Variants in NDC1 observed in about 807,000 individuals in gnomAD.
NDC1 encodes the protein nucleoporin NDC1.
NDC1 carries 24 observed loss-of-function variants against 89.8 expected under a neutral mutation model. That is an observed-to-expected ratio of 0.27 (90% confidence interval 0.19 to 0.38). The LOEUF is 0.38. Ranked by LOEUF, NDC1 falls within the 10% of genes least tolerant of loss-of-function variation. The pLI is 1.00. For synonymous variants in NDC1, 296 were observed against 284.8 expected (o/e 1.04, Z -0.39); for missense variants, 728 against 797.6 (o/e 0.91, Z 1.05).
chr1:53,772,348 T>C lies in NDC1; in HGVS notation c.1942A>G (p.Thr648Ala). ...ACTTACTTCAGATGTTCACCAAATG[T>C]AGTAGTTATTCGATAGATGGCAGTT... ...LKTAIYRITT[T>A]FGEHLNAVQA... Residue 648 changes from threonine (T) to alanine (A), a missense_variant, in exon 17 of 18, where the codon ACA (threonine) becomes GCA (alanine). Thr to Ala is a moderately conservative substitution (Grantham distance 58, BLOSUM62 0). Coordinates refer to ENST00000371429, the MANE Select transcript of NDC1 (RefSeq NM_018087.5). 1 of 1,613,682 alleles carries C rather than the reference T, an allele frequency of 6.2e-7. No individual in the cohort carries two copies. Among genetic ancestry groups the C allele is most frequent in the Non-Finnish European group, 8.5e-7 (1 of 1,179,722 alleles).
At position 53,835,560 on chromosome 1, in the gene NDC1, T is replaced by C. The variant is rs765031899; in HGVS notation, c.118A>G (p.Thr40Ala). The C allele has an allele frequency of 3.7e-6, 6 of 1,612,984 alleles. No homozygotes were observed. In the South Asian group the frequency reaches 5.5e-5, roughly 15 times the overall value. Residue 40 changes from threonine to alanine, a missense_variant, in exon 2 of 18, where the codon ACC becomes GCC. By Grantham distance (58) the Thr-to-Ala change is moderately conservative. Transcript: ENST00000371429. ...VWSVLFLPIC[T>A]TVFIIFSRID... The stretch of plus-strand genomic sequence containing the variant: ...CTGCTGAAAATTATAAATACTGTGG[T>C]GCAGATGGGTAGAAATAGCACTGAC...
intron 11 of NDC1, among the ~76,000 whole-genome samples, chr1:53,799,912 T>G (rs899428789): frequency 2.6e-5 from 4 of 152,230 alleles, no homozygotes; most frequent in Non-Finnish European, 4.4e-5. Context: ...GTCTTTTAAA[T>G]GGAAGGGGTA....
At chr1:53,836,662 A>AT (rs973564739) in intron 1 of NDC1, among the ~76,000 whole-genome samples, 7 of 150,352 alleles carry the variant, frequency 4.7e-5, no homozygotes, top group Non-Finnish European at 1.0e-4. Context: ...CACCTGACTA[A>AT]TTTTTTTTTC....
chr1:53,785,976 G>A (rs868293606), intron 16 of NDC1, among the ~76,000 whole-genome samples: 2 of 151,974 alleles, frequency 1.3e-5, no homozygotes, highest in Admixed American at 6.6e-5. Flanking sequence ...CCAGGCTGGA[G>A]TGCAGTGGCA....
Position 53,825,851 on chromosome 1 carries a change from T to G in NDC1, c.541A>C (p.Ser181Arg). The G allele has an allele frequency of 6.2e-7, 1 of 1,610,438 alleles. No individual in the cohort carries two copies. The highest frequency in any genetic ancestry group is 8.5e-7 in the Non-Finnish European group (1 of 1,178,806). The change falls in exon 5 of 18, where the codon AGC (serine) becomes CGC (arginine). Residue 181 changes from serine (S) to arginine (R), a missense_variant. Coordinates refer to ENST00000371429, the MANE Select transcript of NDC1 (RefSeq NM_018087.5). ...LTGAFMGYSY[S>R]LLYFVNNMNY... is the part of the protein sequence containing the mutation. ...ATGTTGTTAACAAAATACAGGAGGC[T>G]ATAGCTATAGCCCATAAATGCTCCA...
At chr1:53,824,305 T>C (rs1383011764) in intron 5 of NDC1, among the ~76,000 whole-genome samples, 1 of 151,832 alleles carries the variant, frequency 6.6e-6, no homozygotes, top group Non-Finnish European at 1.5e-5. Context: ...TCTAGCCATG[T>C]TGCCCAGACT....
At chr1:53,824,901 C>T (rs780410561) in intron 5 of NDC1, among the ~76,000 whole-genome samples, 14 of 152,186 alleles carry the variant, frequency 9.2e-5, no homozygotes, top group Admixed American at 3.9e-4. Context: ...AGGCCATCCA[C>T]GATGGCTCAC....
chr1:53,818,309 C>T lies in NDC1; in HGVS notation c.703+662G>A, dbSNP rs550813651. ...AAAAATAGCCGGGTATGGTGGTGCA[C>T]GCCTGGTAGTGGTCCCAGCTACTTG... On this transcript the variant is annotated intron_variant, in intron 6 of 17. Coordinates refer to ENST00000371429, the MANE Select transcript of NDC1 (RefSeq NM_018087.5). 1.1e-3 allele frequency among the ~76,000 whole-genome samples: 166 copies of T among 151,932 alleles called. 1 individual carries two copies. Among genetic ancestry groups the T allele is most frequent in the Non-Finnish European group, 1.9e-3 (132 of 67,972 alleles).
chr1:53,780,914 C>T (rs1647201094), intron 16 of NDC1, among the ~76,000 whole-genome samples: 1 of 150,794 alleles, frequency 6.6e-6, no homozygotes, highest in Non-Finnish European at 1.5e-5. Context: ...GCCTGGAGTA[C>T]AGTCACATAG....
At chr1:53,797,193 GCT>G in intron 11 of NDC1, 49 bp from the exon 12 acceptor site, 1 of 1,583,630 alleles carries the variant, frequency 6.3e-7, no homozygotes, top group Non-Finnish European at 8.6e-7. Flanking sequence ...ATCCAAGCAG[GCT>G]AGCAGCAACG....
At chr1:53,829,225 G>A (rs1332410881) in intron 3 of NDC1, among the ~76,000 whole-genome samples, 1 of 152,146 alleles carries the variant, frequency 6.6e-6, no homozygotes, top group Non-Finnish European at 1.5e-5. Context: ...AGAAAATTAA[G>A]TATGAAGGGA....
At chr1:53,803,075 G>A (rs1647975364) in intron 10 of NDC1, among the ~76,000 whole-genome samples, 1 of 151,886 alleles carries the variant, frequency 6.6e-6, no homozygotes, top group African/African-American at 2.4e-5. Flanking sequence ...CTTTTTTGGG[G>A]TGGGGAGGGG....
In NDC1 at chr1:53,797,125, T is replaced by C. The variant is rs756174616; in HGVS notation, c.1242A>G (p.Thr414=). 2.5e-6 allele frequency: 4 copies of C among 1,614,110 alleles called. No homozygotes were observed. The highest frequency in any genetic ancestry group is 2.2e-5 in the South Asian group (2 of 91,072). ...LNSPEETAFQ[T]PKSSQMPRPS... is the part of the protein sequence containing the mutation. The stretch of plus-strand genomic sequence containing the variant: ...GCCGAGGCATCTGGCTAGATTTTGG[T>C]GTCTGAAAAGCAGTTTCTTCTGTAA... The change falls in exon 12 of 18, where the codon ACA becomes ACG. Residue 414 remains threonine (T), a synonymous_variant. Coordinates refer to ENST00000371429, the MANE Select transcript of NDC1 (RefSeq NM_018087.5).
rs140636490 is a variant in NDC1, at chr1:53,782,278, G to A, written c.1800+4880C>T. 6.6e-5 allele frequency among the ~76,000 whole-genome samples: 10 copies of A among 152,306 alleles called. No homozygotes were observed. In the East Asian group the frequency reaches 1.9e-3, roughly 29 times the overall value. ...TGGAATCAGAGCACGAAGTAACTCA[G>A]TTGAGAGTCCATAGGAGCAAGAGGA... On this transcript the variant is annotated intron_variant, in intron 16 of 17. Coordinates refer to ENST00000371429, the MANE Select transcript of NDC1 (RefSeq NM_018087.5).
chr1:53,796,844 T>C, intron 12 of NDC1, 40 bp from the exon 13 acceptor site: 1 of 1,603,238 alleles, frequency 6.2e-7, no homozygotes. Context: ...GAACTTAGGC[T>C]GTCTGATCCT....
chr1:53,782,162 T>TAA (rs1647215803), intron 16 of NDC1, among the ~76,000 whole-genome samples: 1 of 152,002 alleles, frequency 6.6e-6, no homozygotes, highest in South Asian at 2.1e-4. Flanking sequence ...AGAGTCAAGT[T>TAA]AAGAAAATAA....
chr1:53,774,048 C>A (rs900312705), intron 16 of NDC1, among the ~76,000 whole-genome samples: 1 of 152,174 alleles, frequency 6.6e-6, no homozygotes, highest in African/African-American at 2.4e-5. Flanking sequence ...GCTAAGTTAG[C>A]GATCTCAACC....
chr1:53,820,534 TA>T lies in NDC1; in HGVS notation c.595-1456del, dbSNP rs914935338. 2.6e-3 allele frequency among the ~76,000 whole-genome samples: 366 copies of T among 142,472 alleles called. 1 individual carries two copies. Among genetic ancestry groups the T allele is most frequent in the African/African-American group, 9.7e-3 (339 of 35,052 alleles). 93.5% of individuals were successfully genotyped at this position (142,472 alleles called of 152,430 possible). A position where few individuals can be genotyped will look rare whatever the true frequency, so the allele number is the denominator to read the frequency against. On this transcript the variant is annotated intron_variant, in intron 5 of 17. Coordinates refer to ENST00000371429, the MANE Select transcript of NDC1 (RefSeq NM_018087.5). ...ACATGTACCCTAAAACTTAAAGTAT[TA>T]AAAAAAAAATGTCTTTTCTTGAAAA... is the stretch of plus-strand genomic sequence containing the variant.
intron 16 of NDC1, among the ~76,000 whole-genome samples, chr1:53,784,853 G>C (rs536564657): frequency 1.7e-4 from 26 of 152,148 alleles, no homozygotes; most frequent in African/African-American, 6.3e-4. Context: ...AGCTACTCGG[G>C]AGGCTGAGGC....
Sources: gnomAD v4.1 joint callset for allele counts (sites outside exome capture counted in the v4.1 genomes callset) on GRCh38, gnomAD v4.1.1 for gene constraint, MANE v1.5 for transcripts, NCBI Gene and HGNC (gene_info 2026-07-23, HGNC 2026-07-21) for gene names.